PRRC1: variants seen among roughly 807,000 people sequenced by gnomAD.
PRRC1 encodes the protein protein PRRC1.
In PRRC1, 39 loss-of-function variants were observed where a neutral mutation model predicts 40.7. The observed-to-expected ratio is 0.96, with a 90% CI of 0.74 to 1.25. PRRC1 has a LOEUF of 1.25. Ranked by LOEUF, PRRC1 falls within the 50% of genes most tolerant of loss-of-function variation. PRRC1 has a pLI of 0.00. For synonymous variants in PRRC1, 175 were observed against 193.3 expected (o/e 0.91, Z 0.79); for missense variants, 573 against 548.3 (o/e 1.05, Z -0.45).
chr5:127,536,571 A>G (rs907166101), intron 6 of PRRC1, among the ~76,000 whole-genome samples: 1 of 152,082 alleles, frequency 6.6e-6, no homozygotes, highest in African/African-American at 2.4e-5. Flanking sequence ...AGAAATGATT[A>G]TTAGACAAAA....
chr5:127,522,368 A>C (rs1421121124), intron 1 of PRRC1, among the ~76,000 whole-genome samples: 1 of 152,190 alleles, frequency 6.6e-6, no homozygotes. Context: ...ATTGTGAATT[A>C]ATGCTTTTAT....
At chr5:127,542,601 T>G (rs1273058048) in intron 7 of PRRC1, among the ~76,000 whole-genome samples, 3 of 151,582 alleles carry the variant, frequency 2.0e-5, no homozygotes, top group African/African-American at 7.3e-5. Context: ...GCTCTTCTTG[T>G]TGAATTGATC....
At position 127,553,844 on chromosome 5, in the gene PRRC1, T is replaced by C; in HGVS notation, c.*1928T>C. 1 of 1,535,790 alleles carries C rather than the reference T, an allele frequency of 6.5e-7. No individual in the cohort carries two copies. The highest frequency in any genetic ancestry group is 8.7e-7 in the Non-Finnish European group (1 of 1,146,674). ...CAAAGAGCAGTGGCAGTCCATGGCT[T>C]GGTTGAAGCTAGAAATTTTCCTGCC... On this transcript the variant is annotated 3_prime_UTR_variant, in exon 9 of 9. Coordinates refer to ENST00000296666, the MANE Select transcript of PRRC1 (RefSeq NM_130809.5).
Position 127,536,267 on chromosome 5 carries a change from G to A in PRRC1, c.921+2481G>A, listed in dbSNP as rs933754196. Reference sequence around the variant, plus strand: ...ATAAAATTTAGCAAAGGTAACTGACGGCTGTAGGGTTTGAATTTAATCTAG... The same window carrying A: ...ATAAAATTTAGCAAAGGTAACTGACAGCTGTAGGGTTTGAATTTAATCTAG... On this transcript the variant is annotated intron_variant, in intron 6 of 8. Coordinates refer to ENST00000296666, the MANE Select transcript of PRRC1 (RefSeq NM_130809.5). 1.8e-4 allele frequency among the ~76,000 whole-genome samples: 27 copies of A among 149,824 alleles called. 1 individual carries two copies. The highest frequency in any genetic ancestry group is 3.9e-4 in the East Asian group (2 of 5,080).
Position 127,552,077 on chromosome 5 carries a change from T to A in PRRC1, c.*161T>A. On this transcript the variant is annotated 3_prime_UTR_variant, in exon 9 of 9. Coordinates refer to ENST00000296666, the MANE Select transcript of PRRC1 (RefSeq NM_130809.5). Reference sequence around the variant, plus strand: ...CTTTCTCTAGAAAGGCATCATGTCATTCCAGGAGACAAAAAGAAACAAATC... The same window carrying A: ...CTTTCTCTAGAAAGGCATCATGTCAATCCAGGAGACAAAAAGAAACAAATC... 7.0e-7 allele frequency: 1 copy of A among 1,430,120 alleles called. No homozygotes were observed. Among genetic ancestry groups the A allele is most frequent in the Non-Finnish European group, 9.1e-7 (1 of 1,094,262 alleles). 88.6% of individuals were successfully genotyped at this position (1,430,120 alleles called of 1,614,324 possible).
Position 127,553,633 on chromosome 5 carries a change from T to C in PRRC1, c.*1717T>C. 1 of 1,401,680 alleles carries C rather than the reference T, an allele frequency of 7.1e-7. No individual in the cohort carries two copies. The highest frequency in any genetic ancestry group is 1.5e-5 in the African/African-American group (1 of 68,676). The allele number at this position is 1,401,680 out of a possible 1,614,324, so 86.8% of individuals were successfully genotyped here. On this transcript the variant is annotated 3_prime_UTR_variant, in exon 9 of 9. Transcript: ENST00000296666. Reference sequence around the variant, plus strand: ...TTACAGACTGAAGGGAAGCATGTCCTTACTTAAAATAGTTCTGCTACTTTC... The same window carrying C: ...TTACAGACTGAAGGGAAGCATGTCCCTACTTAAAATAGTTCTGCTACTTTC...
chr5:127,547,249 TGAAGA>T (rs1389184711), intron 7 of PRRC1, among the ~76,000 whole-genome samples: 3 of 152,106 alleles, frequency 2.0e-5, no homozygotes, highest in African/African-American at 7.2e-5. Context: ...TCTCTTTAAA[TGAAGA>T]GAAGTTTCCT....
intron 6 of PRRC1, among the ~76,000 whole-genome samples, chr5:127,538,114 C>A (rs565005567): frequency 1.8e-4 from 28 of 152,098 alleles, no homozygotes; most frequent in African/African-American, 6.0e-4. Context: ...ATCCTATCAT[C>A]TTCATCTTTA....
chr5:127,529,940 A>G (rs910877842), intron 4 of PRRC1, among the ~76,000 whole-genome samples: 2 of 152,110 alleles, frequency 1.3e-5, no homozygotes, highest in Non-Finnish European at 2.9e-5. Context: ...TTGGGACCCT[A>G]AGGGACAAGT....
At chr5:127,551,437 A>T (rs1768377959) in intron 8 of PRRC1, 1 of 388,914 alleles carries the variant, frequency 2.6e-6, no homozygotes, top group Admixed American at 3.9e-5. Context: ...TATTAACCTG[A>T]AGTGACACTT....
chr5:127,525,202 T>C (rs576179992), intron 3 of PRRC1, among the ~76,000 whole-genome samples: 1 of 152,332 alleles, frequency 6.6e-6, no homozygotes, highest in Admixed American at 6.5e-5. Context: ...TTTCTATGTA[T>C]ATGGATTTGC....
chr5:127,533,472 A>C, intron 5 of PRRC1, 151 bp from the exon 6 acceptor site: 1 of 722,092 alleles, frequency 1.4e-6, no homozygotes. Flanking sequence ...AGTTTTCTCA[A>C]GCATATAAAA....
At chr5:127,537,740 C>T (rs966637950) in intron 6 of PRRC1, among the ~76,000 whole-genome samples, 1 of 151,868 alleles carries the variant, frequency 6.6e-6, no homozygotes, top group African/African-American at 2.4e-5. Context: ...ATAGTTTTTA[C>T]GGAATGAATG....
chr5:127,541,333 CTCT>C (rs993211469), intron 7 of PRRC1, among the ~76,000 whole-genome samples: 13 of 152,116 alleles, frequency 8.5e-5, no homozygotes, highest in South Asian at 2.1e-4. Context: ...GTCTAAAATT[CTCT>C]TTTTTTGTTG....
chr5:127,525,935 T>TA (rs904011500), intron 3 of PRRC1, among the ~76,000 whole-genome samples: 1 of 152,192 alleles, frequency 6.6e-6, no homozygotes, highest in East Asian at 1.9e-4. Flanking sequence ...TTTAGCCAGG[T>TA]AAAAAGTCAG....
At chr5:127,540,068 A>G (rs1040145058) in intron 7 of PRRC1, among the ~76,000 whole-genome samples, 1 of 152,044 alleles carries the variant, frequency 6.6e-6, no homozygotes, top group Non-Finnish European at 1.5e-5. Context: ...AGGTAATTGA[A>G]ATGTATTCTT....
intron 1 of PRRC1, among the ~76,000 whole-genome samples, chr5:127,518,584 G>T (rs1055791063): frequency 6.6e-6 from 1 of 152,152 alleles, no homozygotes; most frequent in African/African-American, 2.4e-5. Flanking sequence ...TTATTTCGGG[G>T]TCAGATTAGG....
At chr5:127,528,465 C>T (rs1464185812) in intron 4 of PRRC1, among the ~76,000 whole-genome samples, 2 of 152,084 alleles carry the variant, frequency 1.3e-5, no homozygotes, top group Non-Finnish European at 2.9e-5. Flanking sequence ...CAGGCATCTG[C>T]CTCCATGCCT....
At chr5:127,523,003 G>C (rs1029781302) in intron 1 of PRRC1, among the ~76,000 whole-genome samples, 2 of 151,948 alleles carry the variant, frequency 1.3e-5, no homozygotes, top group Non-Finnish European at 2.9e-5. Flanking sequence ...TTTTAGAAAT[G>C]AGATCTTGCT....
Sources: allele counts gnomAD v4.1 joint callset (sites outside exome capture counted in the v4.1 genomes callset), GRCh38; gene constraint gnomAD v4.1.1; transcripts MANE v1.5; gene names NCBI Gene and HGNC (gene_info 2026-07-23, HGNC 2026-07-21).